The following BRWD3 variants were observed in gnomAD, a reference collection of about 807,000 sequenced individuals.
BRWD3 encodes bromodomain and WD repeat-containing protein 3.
BRWD3 carries 10 observed loss-of-function variants against 149.7 expected under a neutral mutation model. The ratio of observed to expected loss-of-function variants is 0.07; its 90% CI spans 0.04 to 0.11. The LOEUF (loss-of-function observed/expected upper bound fraction) is 0.11. Among genes scored for constraint, BRWD3 ranks in the 10% least tolerant of loss-of-function variants. BRWD3 has a pLI of 1.00. For missense variants in BRWD3, 940 were observed against 1,373.2 expected (o/e 0.68, Z 4.99); for synonymous variants, 504 against 456.7 (o/e 1.10, Z -1.32).
chrX:80,794,858 C>G (rs1006499140), intron 4 of BRWD3, among the ~76,000 whole-genome samples: 15 of 111,234 alleles, frequency 1.3e-4, no homozygotes, highest in Non-Finnish European at 2.6e-4. Flanking sequence ...TAGTGACGAA[C>G]TGATCCAAAA....
intron 19 of BRWD3, 59 bp from the exon 20 acceptor site, chrX:80,716,309 G>A: frequency 1.1e-6 from 1 of 918,929 alleles, no homozygotes; most frequent in African/African-American, 1.9e-5. Flanking sequence ...AATCATTTAA[G>A]AATCAGATAA....
Position 80,809,435 on chromosome X carries a change from A to T in BRWD3, c.31+6T>A. The T allele has an allele frequency of 1.7e-6, 2 of 1,146,765 alleles. No individual in the cohort carries two copies. Among genetic ancestry groups the T allele is most frequent in the Non-Finnish European group, 2.3e-6 (2 of 858,812 alleles). 94.5% of individuals were successfully genotyped at this position (1,146,765 alleles called of 1,213,427 possible). A position where few individuals can be genotyped will look rare whatever the true frequency, so the allele number is the denominator to read the frequency against. On this transcript the variant is annotated splice_donor_region_variant and intron_variant, in intron 1 of 40. Coordinates refer to ENST00000373275, the MANE Select transcript of BRWD3 (RefSeq NM_153252.5). ...CACCCCCCCACCCCCCGACACAGCT[A>T]CCCACCGGCTTCGATCTGGGTAGGT...
At chrX:80,712,528 G>T (rs1342314719) in intron 20 of BRWD3, among the ~76,000 whole-genome samples, 9 of 110,884 alleles carry the variant, frequency 8.1e-5, no homozygotes, top group African/African-American at 3.0e-4. Flanking sequence ...GCCTGCCTTG[G>T]CCTCCCAAAG....
Position 80,729,347 on chromosome X carries a change from G to T in BRWD3, c.1233-442C>A, listed in dbSNP as rs1311697799. 3.6e-5 allele frequency among the ~76,000 whole-genome samples: 4 copies of T among 110,999 alleles called. No individual in the cohort carries two copies. The South Asian group carries it at 1.1e-3, about 31-fold the overall frequency. ...ATTAAATATGACATTATCAATGGGC[G>T]ACTATGATGAAAAAGTCATTTCTAT... On this transcript the variant is annotated intron_variant, in intron 13 of 40. Transcript: ENST00000373275.
chrX:80,791,163 T>C (rs892738268), intron 6 of BRWD3, among the ~76,000 whole-genome samples: 3 of 112,193 alleles, frequency 2.7e-5, no homozygotes, highest in African/African-American at 6.5e-5. Context: ...TATTTTTCTA[T>C]CTGAAATTCA....
chrX:80,693,841 T>C lies in BRWD3; in HGVS notation c.3152-790A>G, dbSNP rs189554142. ...TAAAAGTGAAGCAGAGCATTAAAGT[T>C]CAGAACTTTTGCAGCCTGATAACTG... On this transcript the variant is annotated intron_variant, in intron 27 of 40. Transcript: ENST00000373275. 2.6e-3 allele frequency among the ~76,000 whole-genome samples: 288 copies of C among 111,939 alleles called. 3 individuals carry two copies. The highest frequency in any genetic ancestry group is 9.1e-3 in the African/African-American group (281 of 30,776).
chrX:80,762,429 T>G, intron 6 of BRWD3, among the ~76,000 whole-genome samples: 1 of 111,404 alleles, frequency 9.0e-6, no homozygotes, highest in Middle Eastern at 4.6e-3. Context: ...GAGTGCTTCA[T>G]GTTTAAATAT....
At chrX:80,690,334 C>G (rs2072594057) in intron 31 of BRWD3, among the ~76,000 whole-genome samples, 1 of 109,798 alleles carries the variant, frequency 9.1e-6, no homozygotes, top group Non-Finnish European at 1.9e-5. Context: ...TAGAACTGAC[C>G]TAGGACATTA....
At chrX:80,694,546 C>T (rs56332927) in intron 27 of BRWD3, among the ~76,000 whole-genome samples, 9,333 of 110,883 alleles carry the variant, frequency 0.084, 381 homozygotes, top group South Asian at 0.19. Flanking sequence ...GGAAAGGGGA[C>T]ATACCCTGCG....
At chrX:80,758,336 T>C (rs2073767123) in intron 6 of BRWD3, among the ~76,000 whole-genome samples, 1 of 112,201 alleles carries the variant, frequency 8.9e-6, no homozygotes, top group African/African-American at 3.2e-5. Flanking sequence ...GAAAAAGTGA[T>C]CTACAAAAAT....
intron 6 of BRWD3, among the ~76,000 whole-genome samples, chrX:80,781,819 C>T (rs940629652): frequency 9.1e-6 from 1 of 110,324 alleles, no homozygotes; most frequent in Non-Finnish European, 1.9e-5. Context: ...AGAAAGATCT[C>T]TACAATGAAA....
intron 4 of BRWD3, among the ~76,000 whole-genome samples, chrX:80,807,840 T>G (rs1252678891): frequency 6.3e-5 from 7 of 111,728 alleles, no homozygotes; most frequent in Non-Finnish European, 1.3e-4. Flanking sequence ...CAGTTTCTAT[T>G]TAGTGAAAAC....
At chrX:80,804,481 G>A (rs1482190210) in intron 4 of BRWD3, among the ~76,000 whole-genome samples, 2 of 111,236 alleles carry the variant, frequency 1.8e-5, no homozygotes, top group Non-Finnish European at 3.8e-5. Flanking sequence ...CAAGTGATCC[G>A]CCTGCCTCAG....
chrX:80,763,455 G>A (rs141083110), intron 6 of BRWD3, among the ~76,000 whole-genome samples: 2,662 of 111,473 alleles, frequency 0.024, 64 homozygotes, highest in African/African-American at 0.083. Flanking sequence ...ACATAAATCT[G>A]CCAAAGCAAC....
chrX:80,686,449 A>G (rs2072526207), intron 35 of BRWD3, among the ~76,000 whole-genome samples: 1 of 108,654 alleles, frequency 9.2e-6, no homozygotes, highest in Non-Finnish European at 1.9e-5. Flanking sequence ...ATAAATTAAA[A>G]AAAAGTAAAG....
At chrX:80,712,200 C>T (rs1278694772) in intron 20 of BRWD3, among the ~76,000 whole-genome samples, 2 of 111,842 alleles carry the variant, frequency 1.8e-5, no homozygotes, top group Non-Finnish European at 3.8e-5. Flanking sequence ...TGATGCCGAG[C>T]CGAAGCTGGA....
In BRWD3 at chrX:80,745,549, A is replaced by T; in HGVS notation, c.591+20T>A. On this transcript the variant is annotated intron_variant, in intron 7 of 40. Transcript: ENST00000373275. ...GTTGTAATTCTATATATGTTACCAT[A>T]TTATAAATTTTACACTCACTGTAAA... The T allele has an allele frequency of 8.4e-7, 1 of 1,185,232 alleles. No homozygotes were observed. Among genetic ancestry groups the T allele is most frequent in the Non-Finnish European group, 1.1e-6 (1 of 874,879 alleles).
At chrX:80,698,708 TA>T (rs5902803) in intron 25 of BRWD3, among the ~76,000 whole-genome samples, 22 of 94,696 alleles carry the variant, frequency 2.3e-4, no homozygotes, top group East Asian at 6.7e-4. Flanking sequence ...GACTCTGTCT[TA>T]AAAAAAAAAA....
chrX:80,750,864 A>T (rs1197878453), intron 6 of BRWD3, among the ~76,000 whole-genome samples: 2 of 99,505 alleles, frequency 2.0e-5, no homozygotes, highest in Non-Finnish European at 4.2e-5. Context: ...TTATACACAC[A>T]CACACACACA....
Sources: allele counts gnomAD v4.1 joint callset (sites outside exome capture counted in the v4.1 genomes callset), GRCh38; gene constraint gnomAD v4.1.1; transcripts MANE v1.5; gene names NCBI Gene and HGNC (gene_info 2026-07-23, HGNC 2026-07-21).